The following GSAP variants were observed in gnomAD, a reference collection of about 807,000 sequenced individuals.
The protein encoded by GSAP is gamma-secretase-activating protein.
Under a neutral mutation model 131.7 loss-of-function variants are expected in GSAP, and 118 were observed. The ratio of observed to expected loss-of-function variants is 0.90; its 90% confidence interval spans 0.77 to 1.04. The LOEUF (loss-of-function observed/expected upper bound fraction) is 1.04. Ranked by LOEUF, GSAP falls within the 50% of genes least tolerant of loss-of-function variation. GSAP has a pLI of 0.00. For missense variants in GSAP, 1,019 were observed against 1,013.2 expected, an observed-to-expected ratio of 1.01 and a Z score of -0.08; for synonymous variants, 381 against 363.4, an observed-to-expected ratio of 1.05 and a Z score of -0.55.
At chr7:77,415,927 C>T in intron 1 of GSAP, 1 of 342,260 alleles carries the variant, frequency 2.9e-6, no homozygotes. Context: ...AGGGAACCGC[C>T]AGCGGCCCGG....
intron 9 of GSAP, 134 bp downstream of exon 9, chr7:77,377,152 G>C: frequency 9.5e-7 from 1 of 1,048,198 alleles, no homozygotes; most frequent in Non-Finnish European, 1.3e-6. Context: ...AGGAGTTCAA[G>C]GCTGCAGTGA....
chr7:77,328,095 T>C, intron 22 of GSAP: 1 of 477,132 alleles, frequency 2.1e-6, no homozygotes, highest in Non-Finnish European at 2.7e-6. Flanking sequence ...CAAGAGGCCA[T>C]GCTGGAATAT....
chr7:77,415,886 G>A, intron 1 of GSAP: 1 of 264,992 alleles, frequency 3.8e-6, no homozygotes, highest in Non-Finnish European at 7.2e-6. Context: ...AGCTGAGCAC[G>A]ACCCTCTGCC....
At chr7:77,323,408 G>A (rs1787920687) in intron 24 of GSAP, among the ~76,000 whole-genome samples, 1 of 152,178 alleles carries the variant, frequency 6.6e-6, no homozygotes, top group Admixed American at 6.5e-5. Context: ...ATGCATCCAT[G>A]GGTATATAAT....
chr7:77,332,544 G>C (rs1789318596), intron 19 of GSAP, among the ~76,000 whole-genome samples: 1 of 152,160 alleles, frequency 6.6e-6, no homozygotes, highest in African/African-American at 2.4e-5. Context: ...ATGTAAAATA[G>C]AGCATGTGTT....
In GSAP at chr7:77,397,048, G is replaced by C; in HGVS notation, c.314-13C>G. ...ACTAAACTTGCAGCTAATGGAAAAAGAAAAAAAATCCATTAGCAATTGATC... is the reference window on the plus strand; with the variant it reads ...ACTAAACTTGCAGCTAATGGAAAAACAAAAAAAATCCATTAGCAATTGATC... On this transcript the variant is annotated splice_polypyrimidine_tract_variant and intron_variant, in intron 4 of 30. Coordinates refer to ENST00000257626, the MANE Select transcript of GSAP (RefSeq NM_017439.4). 1 of 1,566,398 alleles carries C rather than the reference G, an allele frequency of 6.4e-7. No homozygotes were observed. The highest frequency in any genetic ancestry group is 8.7e-7 in the Non-Finnish European group (1 of 1,145,736).
intron 27 of GSAP, 37 bp downstream of exon 27, chr7:77,314,333 C>G: frequency 1.9e-6 from 3 of 1,610,886 alleles, no homozygotes; most frequent in Non-Finnish European, 2.5e-6. Flanking sequence ...GGTGCTCAGG[C>G]TGGAACTAGC....
intron 23 of GSAP, among the ~76,000 whole-genome samples, chr7:77,324,826 C>CTTTTTTTTTTTTTTT (rs150930764): frequency 3.1e-5 from 3 of 97,314 alleles, no homozygotes; most frequent in African/African-American, 8.8e-5. Flanking sequence ...GTTTGCCATA[C>CTTTTTTTTTTTTTTT]TTTTTTTTTT....
chr7:77,402,433 C>CAA (rs1293900520), intron 3 of GSAP, among the ~76,000 whole-genome samples: 1 of 137,064 alleles, frequency 7.3e-6, no homozygotes, highest in Non-Finnish European at 1.6e-5. Flanking sequence ...TACACACACA[C>CAA]AGAAAAAAAA....
chr7:77,401,520 G>GA lies in GSAP; in HGVS notation c.243+3038dup, dbSNP rs144124988. Among the ~76,000 whole-genome samples the GA allele has an allele frequency of 9.6e-3, 1,459 of 151,750 alleles. 32 individuals carry two copies. Among genetic ancestry groups the GA allele is most frequent in the African/African-American group, 0.034 (1,406 of 41,390 alleles). On this transcript the variant is annotated intron_variant, in intron 3 of 30. Transcript: ENST00000257626. ...CAAAATTATCCTTCAGGAATGAAAGGAAAAAAACACATTCTCAGATGAAGA... is the reference window on the plus strand; with the variant it reads ...CAAAATTATCCTTCAGGAATGAAAGGAAAAAAAACACATTCTCAGATGAAGA...
At chr7:77,376,299 T>C (rs1796843083) in intron 10 of GSAP, among the ~76,000 whole-genome samples, 2 of 152,248 alleles carry the variant, frequency 1.3e-5, no homozygotes, top group Admixed American at 1.3e-4. Context: ...TTTTCTTTGA[T>C]GTGAAGCATT....
chr7:77,356,319 A>G (rs1448040333), intron 14 of GSAP, among the ~76,000 whole-genome samples: 1 of 152,228 alleles, frequency 6.6e-6, no homozygotes, highest in Non-Finnish European at 1.5e-5. Context: ...CTCAGAGCAA[A>G]TTAGAATAAA....
At chr7:77,350,762 C>T (rs1792747570) in intron 18 of GSAP, among the ~76,000 whole-genome samples, 1 of 152,020 alleles carries the variant, frequency 6.6e-6, no homozygotes, top group Non-Finnish European at 1.5e-5. Flanking sequence ...AAAAGAGTTT[C>T]TGCAGTGCTA....
intron 9 of GSAP, 38 bp downstream of exon 9, chr7:77,377,237 TAAAAAAAAAAA>T (rs533755073): frequency 1.7e-5 from 15 of 891,784 alleles, no homozygotes; most frequent in Non-Finnish European, 1.8e-5. Flanking sequence ...AATATTTTTG[TAAAAAAAAAAA>T]AAAAAAAAAA....
intron 1 of GSAP, among the ~76,000 whole-genome samples, chr7:77,406,899 C>T (rs898992509): frequency 6.6e-6 from 1 of 152,238 alleles, no homozygotes; most frequent in Non-Finnish European, 1.5e-5. Flanking sequence ...CTCCCCGCTG[C>T]TAAGGCGGTT....
chr7:77,401,855 C>A (rs1801373271), intron 3 of GSAP, among the ~76,000 whole-genome samples: 1 of 152,172 alleles, frequency 6.6e-6, no homozygotes, highest in African/African-American at 2.4e-5. Context: ...ACACTTCATT[C>A]GAACTGGTAA....
chr7:77,330,857 C>CA, intron 19 of GSAP: 1 of 980,724 alleles, frequency 1.0e-6, no homozygotes, highest in Non-Finnish European at 1.2e-6. Flanking sequence ...ACCTAGGAAT[C>CA]AAAAAAAGAT....
chr7:77,402,205 C>T (rs1230466512), intron 3 of GSAP, among the ~76,000 whole-genome samples: 1 of 151,114 alleles, frequency 6.6e-6, no homozygotes, highest in South Asian at 2.1e-4. Context: ...CTCTTGATGG[C>T]ACCATCTTTC....
chr7:77,359,076 ACTT>A (rs1794168000), intron 14 of GSAP, among the ~76,000 whole-genome samples: 4 of 152,164 alleles, frequency 2.6e-5, no homozygotes, highest in African/African-American at 9.6e-5. Context: ...AATCCCAGCT[ACTT>A]GGGAGGCTGA....
Sources: gnomAD v4.1 joint callset for allele counts (sites outside exome capture counted in the v4.1 genomes callset) on GRCh38, gnomAD v4.1.1 for gene constraint, MANE v1.5 for transcripts, NCBI Gene and HGNC (gene_info 2026-07-23, HGNC 2026-07-21) for gene names.